Variants in CHD2 observed in about 807,000 individuals in gnomAD.
CHD2 encodes the protein ATP-dependent chromatin remodeler CHD2.
CHD2 carries 28 observed loss-of-function variants against 243.9 expected under a neutral mutation model. The observed-to-expected ratio is 0.11, with a 90% CI of 0.09 to 0.16. The LOEUF (loss-of-function observed/expected upper bound fraction) is 0.16. CHD2 is among the 10% of genes least tolerant of loss of function. The pLI is 1.00. For missense variants in CHD2, 1,386 were observed against 2,209.8 expected (o/e 0.63, Z 7.47); for synonymous variants, 775 against 779.0 (o/e 0.99, Z 0.09).
At chr15:92,923,411 C>T (rs1037963570) in intron 2 of CHD2, among the ~76,000 whole-genome samples, 3 of 150,892 alleles carry the variant, frequency 2.0e-5, no homozygotes, top group Non-Finnish European at 4.5e-5. Context: ...CAGGCATGCA[C>T]CATCATACCC....
intron 28 of CHD2, among the ~76,000 whole-genome samples, chr15:92,993,396 G>T (rs3784785): frequency 0.36 from 55,487 of 152,032 alleles, 11,193 homozygotes; most frequent in East Asian, 0.8. Context: ...AAACACAAAG[G>T]ATTTAGAGAA....
intron 36 of CHD2, among the ~76,000 whole-genome samples, chr15:93,013,928 CAAAAAAAAA>C (rs35774813): frequency 3.7e-4 from 24 of 64,150 alleles, no homozygotes; most frequent in African/African-American, 1.3e-3. Context: ...GACTCTGTCT[CAAAAAAAAA>C]AAAAAAAAAA....
At chr15:92,926,094 C>A (rs2053055921) in intron 3 of CHD2, among the ~76,000 whole-genome samples, 2 of 152,148 alleles carry the variant, frequency 1.3e-5, no homozygotes, top group Non-Finnish European at 2.9e-5. Context: ...ACCTCAGCCT[C>A]CCAAGTAGCT....
intron 12 of CHD2, chr15:92,946,824 G>C (rs1323472018): frequency 6.6e-6 from 1 of 152,152 alleles, no homozygotes; most frequent in Non-Finnish European, 1.5e-5. Flanking sequence ...GAAGCCAGTT[G>C]CAGTGGCTCA....
At chr15:92,982,479 A>G (rs994662647) in intron 24 of CHD2, among the ~76,000 whole-genome samples, 4 of 152,212 alleles carry the variant, frequency 2.6e-5, no homozygotes, top group East Asian at 3.8e-4. Flanking sequence ...GGTCAGAGAA[A>G]TTGGATCAGT....
rs559166055 is a variant in CHD2 at position 93,004,592 on chromosome 15, A to T, written c.4279-25A>T. On this transcript the variant is annotated intron_variant, in intron 33 of 38. Coordinates refer to ENST00000394196, the MANE Select transcript of CHD2 (RefSeq NM_001271.4). The stretch of plus-strand genomic sequence containing the variant: ...CGGTAGGATTGCACAAATGACAATG[A>T]CTCCTTGTAACTCTTTTTTAAAAGC... The T allele has an allele frequency of 6.4e-5, 102 of 1,596,082 alleles. 2 individuals are homozygous for T. In the South Asian group the frequency reaches 1.1e-3, roughly 18 times the overall value.
At chr15:92,971,571 C>T (rs554313193) in intron 17 of CHD2, among the ~76,000 whole-genome samples, 194 bp from the exon 18 acceptor site, 7 of 152,188 alleles carry the variant, frequency 4.6e-5, no homozygotes, top group African/African-American at 1.7e-4. Flanking sequence ...TTTAACATTC[C>T]TAATTCTGAC....
Position 92,971,777 on chromosome 15 carries a change from C to A in CHD2, c.2202C>A (p.Thr734=), listed in dbSNP as rs1171333664. 1.2e-6 allele frequency: 2 copies of A among 1,610,618 alleles called. No individual in the cohort carries two copies. Among genetic ancestry groups the A allele is most frequent in the Non-Finnish European group, 1.7e-6 (2 of 1,178,898 alleles). Residue 734 remains threonine (T), a synonymous_variant, in exon 18 of 39, where the codon ACC becomes ACA. Transcript: ENST00000394196. The part of the protein sequence containing the change: ...LQKQYYKWIL[T]RNYKALAKGT... Reference sequence around the variant, plus strand: ...TTTTAATTTGCAGGTGGATTCTGACCAGGAATTACAAGGCTCTTGCCAAAG... The same window carrying A: ...TTTTAATTTGCAGGTGGATTCTGACAAGGAATTACAAGGCTCTTGCCAAAG...
At chr15:92,953,596 G>A (rs1268420566) in intron 14 of CHD2, 23 bp downstream of exon 14, 3 of 1,596,592 alleles carry the variant, frequency 1.9e-6, no homozygotes, top group Middle Eastern at 1.7e-4. Context: ...AAAGAGCTGG[G>A]TTAGAATCTG....
In CHD2 at chr15:93,024,443, G is replaced by A. The variant is rs1020210628; in HGVS notation, c.5225G>A (p.Arg1742Gln). The change falls in exon 39 of 39, where the codon CGA becomes CAA. Residue 1742 changes from arginine (R) to glutamine (Q), a missense_variant. Arg to Gln is a conservative substitution (Grantham distance 43). Coordinates refer to ENST00000394196, the MANE Select transcript of CHD2 (RefSeq NM_001271.4). ...RPQNYHQQDF[R>Q]RMSDHRPAMG... Reference sequence around the variant, plus strand: ...CAAAATTACCACCAGCAGGATTTCCGACGAATGTCTGATCACCGCCCCGCT... The same window carrying A: ...CAAAATTACCACCAGCAGGATTTCCAACGAATGTCTGATCACCGCCCCGCT... The A allele has an allele frequency of 1.9e-6, 3 of 1,614,124 alleles. No homozygotes were observed. Among genetic ancestry groups the A allele is most frequent in the Non-Finnish European group, 2.5e-6 (3 of 1,180,012 alleles).
At chr15:92,950,018 A>G (rs1285235231) in intron 13 of CHD2, among the ~76,000 whole-genome samples, 3 of 152,210 alleles carry the variant, frequency 2.0e-5, no homozygotes, top group African/African-American at 4.8e-5. Context: ...AGTGGAAAAC[A>G]AAGGAAGGGG....
At chr15:92,942,229 C>T (rs1400031478) in intron 8 of CHD2, among the ~76,000 whole-genome samples, 2 of 152,114 alleles carry the variant, frequency 1.3e-5, no homozygotes, top group Non-Finnish European at 1.5e-5. Flanking sequence ...AGCAAATCCA[C>T]CTTTGGTTAT....
At chr15:93,011,528 G>A (rs1316618055) in intron 35 of CHD2, among the ~76,000 whole-genome samples, 1 of 152,182 alleles carries the variant, frequency 6.6e-6, no homozygotes, top group African/African-American at 2.4e-5. Context: ...AGACAGGAAG[G>A]TAAATGGCTC....
Position 92,997,072 on chromosome 15 carries a change from T to C in CHD2, c.3711T>C (p.Pro1237=). ...EEFEMLHKSI[P]VDPEEKKKYC... ...TTGAGATGCTGCATAAATCTATCCC[T>C]GTGGACCCTGAAGAAAAAAAAAAGT... is the stretch of plus-strand genomic sequence containing the variant. The change falls in exon 29 of 39, where the codon CCT becomes CCC. Residue 1237 remains proline, a synonymous_variant. Transcript: ENST00000394196. This position sits in a 1 kb window ranked among gnomAD's most constrained non-coding sequence, Gnocchi z 4.1. 6.2e-7 allele frequency: 1 copy of C among 1,610,146 alleles called. No individual in the cohort carries two copies. Among genetic ancestry groups the C allele is most frequent in the Non-Finnish European group, 8.5e-7 (1 of 1,179,026 alleles).
intron 17 of CHD2, among the ~76,000 whole-genome samples, chr15:92,969,810 T>C (rs1039884721): frequency 4.8e-5 from 7 of 144,988 alleles, no homozygotes; most frequent in African/African-American, 1.7e-4. Context: ...GGTTAAGATT[T>C]TCTTTTTTTT....
intron 2 of CHD2, among the ~76,000 whole-genome samples, chr15:92,911,023 C>T (rs1317219695): frequency 1.3e-5 from 2 of 152,104 alleles, no homozygotes; most frequent in Non-Finnish European, 2.9e-5. Flanking sequence ...AGAAAAGGTA[C>T]AGTTAAAATA....
chr15:92,941,648 TCAG>T (rs1160591262), intron 7 of CHD2, among the ~76,000 whole-genome samples, 171 bp from the exon 8 acceptor site: 1 of 152,218 alleles, frequency 6.6e-6, no homozygotes, highest in Non-Finnish European at 1.5e-5. Flanking sequence ...GGAGCATTCA[TCAG>T]CACTTTAGGA....
chr15:92,972,514 A>G (rs2053853647), intron 19 of CHD2, 97 bp downstream of exon 19: 1 of 1,109,458 alleles, frequency 9.0e-7, no homozygotes, highest in East Asian at 2.7e-5. Context: ...TTTGCTTGTT[A>G]AAGTAGGAAG....
chr15:92,903,820 T>C (rs1384837316), intron 2 of CHD2, among the ~76,000 whole-genome samples: 33 of 152,228 alleles, frequency 2.2e-4, no homozygotes, highest in Admixed American at 2.2e-3. Context: ...ATTAAATTTA[T>C]CTCCAAATCG....
Sources: gnomAD v4.1 joint callset for allele counts (sites outside exome capture counted in the v4.1 genomes callset) on GRCh38, gnomAD v4.1.1 for gene constraint, Gnocchi (gnomAD v3.1) non-coding constraint, MANE v1.5 for transcripts, NCBI Gene and HGNC (gene_info 2026-07-23, HGNC 2026-07-21) for gene names.